BEND5: variants seen among roughly 807,000 people sequenced by gnomAD.
BEND5 encodes the protein BEN domain containing 5, also known as BEN domain-containing protein 5.
A neutral mutation model predicts 43.9 loss-of-function variants in BEND5; 22 were observed. That is an observed-to-expected ratio of 0.50 (90% CI 0.36 to 0.72). The LOEUF is 0.72. Ranked by LOEUF, BEND5 falls within the 30% of genes least tolerant of loss-of-function variation. The probability of loss-of-function intolerance (pLI) is 0.00; values close to 1 mark genes in which losing one functional copy is unlikely to be tolerated. For missense variants in BEND5, 428 were observed against 550.6 expected (o/e 0.78, Z 2.23); for synonymous variants, 228 against 225.9 (o/e 1.01, Z -0.08).
chr1:48,757,963 G>T (rs1570542554), intron 3 of BEND5, among the ~76,000 whole-genome samples: 2 of 152,102 alleles, frequency 1.3e-5, no homozygotes, highest in East Asian at 3.9e-4. Flanking sequence ...TACAGTTCTG[G>T]ATTCTTATAT....
At chr1:48,747,503 T>C (rs1650958373) in intron 3 of BEND5, among the ~76,000 whole-genome samples, 1 of 152,232 alleles carries the variant, frequency 6.6e-6, no homozygotes, top group African/African-American at 2.4e-5. Flanking sequence ...GTTCCTGTTC[T>C]GGGGAAGTTC....
intron 5 of BEND5, among the ~76,000 whole-genome samples, chr1:48,733,518 G>A (rs961088370): frequency 3.3e-5 from 5 of 152,132 alleles, no homozygotes; most frequent in South Asian, 2.1e-4. Context: ...ATTTAAAAAC[G>A]GCTTGGAAAA....
rs369089302 is a variant in BEND5 at position 48,776,878 on chromosome 1, G to A, written c.-47C>T. On this transcript the variant is annotated 5_prime_UTR_variant, in exon 1 of 6. Transcript: ENST00000371833. ...CCGGTCGGGCAGCTCAGCCCGCGGG[G>A]CGGGCGCGGAGGTGGGGATCCGGCG... 3 of 1,367,098 alleles carry A rather than the reference G, an allele frequency of 2.2e-6. No individual in the cohort carries two copies. Among genetic ancestry groups the A allele is most frequent in the East Asian group, 6.1e-5 (2 of 32,850 alleles). The allele number at this position is 1,367,098 out of a possible 1,614,324, so 84.7% of individuals were successfully genotyped here.
intron 1 of BEND5, among the ~76,000 whole-genome samples, chr1:48,769,542 C>G (rs1434174572): frequency 6.9e-6 from 1 of 145,158 alleles, no homozygotes; most frequent in African/African-American, 2.6e-5. Context: ...CACACACACA[C>G]ACACACACAC....
intron 2 of BEND5, 61 bp downstream of exon 2, chr1:48,761,276 T>C (rs1644243321): frequency 2.7e-6 from 4 of 1,482,846 alleles, no homozygotes; most frequent in East Asian, 5.0e-5. Context: ...TGAAACTCTT[T>C]AGCTACGAGA....
intron 4 of BEND5, among the ~76,000 whole-genome samples, chr1:48,740,741 A>T (rs184071245): frequency 2.6e-5 from 4 of 152,286 alleles, no homozygotes; most frequent in Admixed American, 2.0e-4. Context: ...AAGGCCTCTG[A>T]TCGTGCAGAC....
At chr1:48,774,802 T>C (rs779025272) in intron 1 of BEND5, among the ~76,000 whole-genome samples, 2 of 152,190 alleles carry the variant, frequency 1.3e-5, no homozygotes, top group Non-Finnish European at 2.9e-5. Context: ...ACAGTGTATA[T>C]GTATGTTTGC....
intron 3 of BEND5, among the ~76,000 whole-genome samples, chr1:48,749,741 G>A (rs1473133331): frequency 6.6e-6 from 1 of 152,240 alleles, no homozygotes; most frequent in Non-Finnish European, 1.5e-5. Context: ...GGTGGCCAGG[G>A]AAAACTGGAC....
At chr1:48,759,746 A>T (rs1304060757) in intron 2 of BEND5, among the ~76,000 whole-genome samples, 1 of 152,190 alleles carries the variant, frequency 6.6e-6, no homozygotes, top group Non-Finnish European at 1.5e-5. Context: ...CAAAAACATA[A>T]AATTCCTCCC....
At chr1:48,758,806 C>T in intron 3 of BEND5, 94 bp downstream of exon 3, 1 of 1,180,066 alleles carries the variant, frequency 8.5e-7, no homozygotes, top group Non-Finnish European at 1.2e-6. Flanking sequence ...CCTCAGGGCA[C>T]TTGGTCTCCC....
chr1:48,729,421 G>A (rs1319976118), intron 5 of BEND5, among the ~76,000 whole-genome samples: 1 of 152,182 alleles, frequency 6.6e-6, no homozygotes. Context: ...CTTTGAGCCT[G>A]AGTTTTCTCA....
At chr1:48,755,420 T>G (rs1302702425) in intron 3 of BEND5, among the ~76,000 whole-genome samples, 8 of 152,172 alleles carry the variant, frequency 5.3e-5, no homozygotes, top group Non-Finnish European at 2.9e-5. Flanking sequence ...GCACCCAAGC[T>G]AGACAAAGGC....
At chr1:48,752,058 A>G (rs1417131882) in intron 3 of BEND5, among the ~76,000 whole-genome samples, 1 of 152,224 alleles carries the variant, frequency 6.6e-6, no homozygotes, top group Non-Finnish European at 1.5e-5. Flanking sequence ...TAAGCAGGAT[A>G]CAACAGTTTT....
intron 3 of BEND5, among the ~76,000 whole-genome samples, chr1:48,758,633 G>C (rs186237459): frequency 7.9e-5 from 12 of 152,200 alleles, no homozygotes; most frequent in Non-Finnish European, 1.8e-4. Flanking sequence ...ATAAGGGACT[G>C]AGCAGTGACA....
chr1:48,731,975 T>C (rs893532213), intron 5 of BEND5, among the ~76,000 whole-genome samples: 3 of 151,990 alleles, frequency 2.0e-5, no homozygotes, highest in Admixed American at 2.0e-4. Context: ...GAAATGAGTG[T>C]GGGCTATGAG....
chr1:48,754,019 G>T (rs776759262), intron 3 of BEND5, among the ~76,000 whole-genome samples: 11 of 152,172 alleles, frequency 7.2e-5, no homozygotes, highest in African/African-American at 1.2e-4. Flanking sequence ...CTGAAGGCAA[G>T]GATTATGTCT....
At position 48,771,225 on chromosome 1, in the gene BEND5, G is replaced by A. The variant is rs556104351; in HGVS notation, c.226+5381C>T. Among the ~76,000 whole-genome samples, 13 of 152,286 alleles carry A rather than the reference G, an allele frequency of 8.5e-5. No individual in the cohort carries two copies. The Middle Eastern group carries it at 0.01, about 120-fold the overall frequency. On this transcript the variant is annotated intron_variant, in intron 1 of 5. Transcript: ENST00000371833. ...ATTACGAATGTTCTTCTGGTAGAAA[G>A]AGTACACACAACTTCTGTCCCTAAG...
chr1:48,729,043 G>T (rs1018279822), intron 5 of BEND5, among the ~76,000 whole-genome samples: 1 of 152,116 alleles, frequency 6.6e-6, no homozygotes, highest in Non-Finnish European at 1.5e-5. Context: ...CTAGCCTGGG[G>T]ACCTGGTGCA....
chr1:48,774,237 AT>A (rs1644969813), intron 1 of BEND5, among the ~76,000 whole-genome samples: 1 of 152,216 alleles, frequency 6.6e-6, no homozygotes, highest in Non-Finnish European at 1.5e-5. Context: ...ACCTGGTGCC[AT>A]AGCACAGTGG....
Sources: gnomAD v4.1 joint callset for allele counts (sites outside exome capture counted in the v4.1 genomes callset) on GRCh38, gnomAD v4.1.1 for gene constraint, MANE v1.5 for transcripts, NCBI Gene and HGNC (gene_info 2026-07-23, HGNC 2026-07-21) for gene names.